WASF3: variants seen among roughly 807,000 people sequenced by gnomAD.
WASF3 encodes actin-binding protein WASF3.
A neutral mutation model predicts 46.6 loss-of-function variants in WASF3; 11 were observed. The observed-to-expected ratio is 0.24, with a 90% CI of 0.15 to 0.39. The LOEUF (loss-of-function observed/expected upper bound fraction) is 0.39, where lower values mean the gene tolerates loss of function less well. Ranked by LOEUF, WASF3 falls within the 10% of genes least tolerant of loss-of-function variation. The probability of loss-of-function intolerance (pLI) is 1.00; values close to 1 mark genes in which losing one functional copy is unlikely to be tolerated. For synonymous variants in WASF3, 242 were observed against 259.7 expected (o/e 0.93, Z 0.65); for missense variants, 576 against 669.8 (o/e 0.86, Z 1.55).
chr13:26,554,083 C>CTTTTT (rs1566032431), upstream of WASF3, among the ~76,000 whole-genome samples: 1 of 109,200 alleles, frequency 9.2e-6, no homozygotes, highest in Admixed American at 9.8e-5. Context: ...TTCCTTCCTT[C>CTTTTT]CTTCCTTCCT....
intron 1 of WASF3, among the ~76,000 whole-genome samples, chr13:26,561,089 C>T (rs1462360554): frequency 1.3e-5 from 2 of 151,980 alleles, no homozygotes; most frequent in Non-Finnish European, 2.9e-5. Context: ...TGGGCAAGGG[C>T]AGGGAAGTGG....
At chr13:26,624,662 A>G (rs1189902501) in intron 2 of WASF3, among the ~76,000 whole-genome samples, 4 of 152,126 alleles carry the variant, frequency 2.6e-5, no homozygotes, top group Non-Finnish European at 4.4e-5. Flanking sequence ...AGAACCCTCC[A>G]AGTTCTAGAA....
intron 1 of WASF3, among the ~76,000 whole-genome samples, chr13:26,595,729 C>A (rs1391073982): frequency 6.6e-6 from 1 of 152,176 alleles, no homozygotes; most frequent in African/African-American, 2.4e-5. Flanking sequence ...CAGAATGTTA[C>A]ATACATGAAA....
chr13:26,583,023 A>G (rs1437068750), intron 1 of WASF3, among the ~76,000 whole-genome samples: 2 of 152,258 alleles, frequency 1.3e-5, no homozygotes, highest in Non-Finnish European at 2.9e-5. Flanking sequence ...ATGGGGGCAG[A>G]AAGAAATTAA....
intron 3 of WASF3, among the ~76,000 whole-genome samples, chr13:26,659,658 A>G (rs1345426380): frequency 6.6e-6 from 1 of 152,134 alleles, no homozygotes; most frequent in Non-Finnish European, 1.5e-5. Context: ...GGGACAGGGT[A>G]GGATCAGGGC....
chr13:26,657,252 T>TA (rs1240824268), intron 3 of WASF3, among the ~76,000 whole-genome samples: 1 of 152,088 alleles, frequency 6.6e-6, no homozygotes, highest in Non-Finnish European at 1.5e-5. Context: ...ATACACGGGG[T>TA]AGAGCGCAGG....
rs56065381 is a variant in WASF3, at chr13:26,566,838, A to G, written c.-109+9019A>G. Among the ~76,000 whole-genome samples, 944 of 152,344 alleles carry G rather than the reference A, an allele frequency of 6.2e-3. 11 individuals carry two copies. The highest frequency in any genetic ancestry group is 0.022 in the African/African-American group (901 of 41,574). On this transcript the variant is annotated intron_variant, in intron 1 of 9. Coordinates refer to ENST00000335327, the MANE Select transcript of WASF3 (RefSeq NM_006646.6). ...AAGAGAGGTCATGGGGACTGGTAGC[A>G]TAACTAGTCTCTACCCCAGTCTGAC...
intron 2 of WASF3, among the ~76,000 whole-genome samples, chr13:26,632,644 G>T (rs1881687564): frequency 6.6e-6 from 1 of 152,124 alleles, no homozygotes; most frequent in Non-Finnish European, 1.5e-5. Flanking sequence ...TTTGTTTATT[G>T]TGTCTCTGCC....
chr13:26,577,032 CA>C, intron 1 of WASF3: 1 of 720,472 alleles, frequency 1.4e-6, no homozygotes, highest in South Asian at 1.5e-5. Flanking sequence ...AGATGCTAGT[CA>C]CCAGGACCCA....
the WASF3 span, among the ~76,000 whole-genome samples, chr13:26,542,120 G>A: frequency 5.3e-5 from 8 of 152,210 alleles, no homozygotes; most frequent in African/African-American, 1.9e-4. Flanking sequence ...AGATTGCTGA[G>A]ATTTACTGCT....
At chr13:26,562,894 CCTTTT>C (rs557496701) in intron 1 of WASF3, among the ~76,000 whole-genome samples, 7 of 145,340 alleles carry the variant, frequency 4.8e-5, no homozygotes, top group South Asian at 2.3e-4. Flanking sequence ...CGCCTCCCTC[CCTTTT>C]CTTTTCTTTT....
intron 1 of WASF3, among the ~76,000 whole-genome samples, chr13:26,571,284 T>C (rs1879624741): frequency 6.7e-6 from 1 of 149,388 alleles, no homozygotes; most frequent in African/African-American, 2.5e-5. Context: ...AGCTTTTCTT[T>C]AATTGAATTG....
intron 1 of WASF3, among the ~76,000 whole-genome samples, chr13:26,607,252 A>T (rs962164906): frequency 2.6e-5 from 4 of 152,142 alleles, no homozygotes; most frequent in Non-Finnish European, 5.9e-5. Context: ...TGTGATTCAT[A>T]GTTATATTTC....
At chr13:26,575,064 C>G (rs772977213) in intron 1 of WASF3, among the ~76,000 whole-genome samples, 7 of 152,120 alleles carry the variant, frequency 4.6e-5, no homozygotes, top group Non-Finnish European at 1.0e-4. Flanking sequence ...TCTCGATCTC[C>G]TGACCTTGTG....
chr13:26,615,318 A>AT (rs1010728641), intron 2 of WASF3, among the ~76,000 whole-genome samples: 149 of 150,180 alleles, frequency 9.9e-4, no homozygotes, highest in African/African-American at 3.3e-3. Context: ...TTTTGTTTTG[A>AT]TTTTTTTTTG....
the WASF3 span, among the ~76,000 whole-genome samples, chr13:26,541,681 C>T: frequency 1.3e-5 from 2 of 151,810 alleles, no homozygotes; most frequent in Non-Finnish European, 2.9e-5. Context: ...TGAGATCTCA[C>T]TATGTTGACC....
the WASF3 span, among the ~76,000 whole-genome samples, chr13:26,540,423 T>C: frequency 5.3e-5 from 8 of 152,202 alleles, no homozygotes; most frequent in Admixed American, 5.2e-4. Context: ...CTTCTTCCAC[T>C]GTCCTGGCAA....
intron 3 of WASF3, among the ~76,000 whole-genome samples, chr13:26,663,781 A>G (rs944495113): frequency 2.0e-5 from 3 of 152,204 alleles, no homozygotes; most frequent in African/African-American, 7.2e-5. Flanking sequence ...CGAGTGTTTC[A>G]TGGCATGAAA....
chr13:26,616,515 T>A (rs1425410639), intron 2 of WASF3, among the ~76,000 whole-genome samples: 1 of 152,228 alleles, frequency 6.6e-6, no homozygotes, highest in Admixed American at 6.5e-5. Flanking sequence ...TTATCAGATA[T>A]ATGATTTGTA....
Sources: gnomAD v4.1 joint callset for allele counts (sites outside exome capture counted in the v4.1 genomes callset) on GRCh38, gnomAD v4.1.1 for gene constraint, MANE v1.5 for transcripts, NCBI Gene and HGNC (gene_info 2026-07-23, HGNC 2026-07-21) for gene names.